AGO3: variants seen among roughly 807,000 people sequenced by gnomAD.
AGO3 encodes protein argonaute-3.
In AGO3, 16 loss-of-function variants were observed where a neutral mutation model predicts 105.5. The ratio of observed to expected loss-of-function variants is 0.15; its 90% CI spans 0.10 to 0.23. AGO3 has a LOEUF of 0.23. Ranked by LOEUF, AGO3 falls within the 10% of genes least tolerant of loss-of-function variation. The probability of loss-of-function intolerance (pLI) is 1.00; values close to 1 mark genes in which losing one functional copy is unlikely to be tolerated. For missense variants in AGO3, 534 were observed against 1,088.0 expected, an observed-to-expected ratio of 0.49 and a Z score of 7.16; for synonymous variants, 340 against 367.3, an observed-to-expected ratio of 0.93 and a Z score of 0.85.
rs930581031 is a variant in AGO3 at position 36,058,431 on chromosome 1, A to G, written c.*2686A>G. ...GCACTTTGTAACTCATGAAAATTGC[A>G]TTTTGATTTTTTTTTTTTTTGCACT... is the stretch of plus-strand genomic sequence containing the variant. On this transcript the variant is annotated 3_prime_UTR_variant, in exon 19 of 19. Coordinates refer to ENST00000373191, the MANE Select transcript of AGO3 (RefSeq NM_024852.4). The G allele has an allele frequency of 6.6e-6, 1 of 151,038 alleles. No homozygotes were observed. Among genetic ancestry groups the G allele is most frequent in the African/African-American group, 2.4e-5 (1 of 41,018 alleles). 9.4% of individuals were successfully genotyped at this position (151,038 alleles called of 1,614,324 possible).
At chr1:35,965,177 A>G (rs1646749472) in intron 2 of AGO3, among the ~76,000 whole-genome samples, 2 of 151,876 alleles carry the variant, frequency 1.3e-5, no homozygotes, top group Admixed American at 1.3e-4. Context: ...AACAAATTAG[A>G]TCTGTAAAAT....
At chr1:36,030,106 A>G (rs886142784) in intron 12 of AGO3, among the ~76,000 whole-genome samples, 2 of 152,230 alleles carry the variant, frequency 1.3e-5, no homozygotes, top group African/African-American at 4.8e-5. Flanking sequence ...TTAGTTAAAT[A>G]AAAACCTTCT....
At chr1:36,029,787 G>C (rs1165044900) in intron 12 of AGO3, among the ~76,000 whole-genome samples, 1 of 150,138 alleles carries the variant, frequency 6.7e-6, no homozygotes, top group Non-Finnish European at 1.5e-5. Flanking sequence ...CCACCTCCCA[G>C]GTTCAAGCTG....
In AGO3 at chr1:36,069,626, A is replaced by C. The variant is rs1643136188; in HGVS notation, c.*13881A>C. Reference sequence around the variant, plus strand: ...CATATCCTGTTGTTTCTTCCCTGCAAGATATCCAGCACACAGGCTGAATTT... The same window carrying C: ...CATATCCTGTTGTTTCTTCCCTGCACGATATCCAGCACACAGGCTGAATTT... On this transcript the variant is annotated 3_prime_UTR_variant, in exon 19 of 19. Coordinates refer to ENST00000373191, the MANE Select transcript of AGO3 (RefSeq NM_024852.4). The C allele has an allele frequency of 6.6e-6, 1 of 152,240 alleles. No homozygotes were observed. The highest frequency in any genetic ancestry group is 1.9e-4 in the East Asian group (1 of 5,204). 9.4% of individuals were successfully genotyped at this position (152,240 alleles called of 1,614,324 possible).
intron 2 of AGO3, among the ~76,000 whole-genome samples, chr1:35,966,255 C>T (rs1003373543): frequency 2.0e-5 from 3 of 152,084 alleles, no homozygotes; most frequent in Admixed American, 2.0e-4. Context: ...TAGAGGTAAC[C>T]ACCATTTGGA....
intron 5 of AGO3, among the ~76,000 whole-genome samples, chr1:35,989,735 C>T (rs565336829): frequency 3.3e-5 from 5 of 151,888 alleles, no homozygotes; most frequent in Non-Finnish European, 7.4e-5. Context: ...ATTAGCCAGG[C>T]GTGATAGCAT....
At chr1:35,972,309 C>T (rs1315563993) in intron 4 of AGO3, 77 bp downstream of exon 4, 3 of 1,426,470 alleles carry the variant, frequency 2.1e-6, no homozygotes, top group Non-Finnish European at 2.9e-6. Flanking sequence ...TTGGTTAAAC[C>T]TTTATTTGTC....
chr1:36,027,495 G>A lies in AGO3; in HGVS notation c.1591+197G>A, dbSNP rs12043256. On this transcript the variant is annotated intron_variant, in intron 12 of 18. Transcript: ENST00000373191. This position sits in a 1 kb window ranked among gnomAD's most constrained non-coding sequence, Gnocchi z 4.0. The stretch of plus-strand genomic sequence containing the variant: ...ATGAGACATTGTAAAAAGAGTTTCC[G>A]GGCTGGGCGTGGTGGCTCACGCCTG... 4.9e-4 allele frequency among the ~76,000 whole-genome samples: 75 copies of A among 152,190 alleles called. 1 individual carries two copies. The East Asian group carries it at 0.011, about 22-fold the overall frequency.
chr1:36,001,111 C>T (rs1467620524), intron 5 of AGO3, among the ~76,000 whole-genome samples: 1 of 152,054 alleles, frequency 6.6e-6, no homozygotes, highest in African/African-American at 2.4e-5. Flanking sequence ...TGGCACGTGC[C>T]TGTAATTCCA....
chr1:35,931,034 G>C (rs113799162), upstream of AGO3: 7 of 374,896 alleles, frequency 1.9e-5, no homozygotes, highest in East Asian at 2.7e-4. Flanking sequence ...GGGGCCCAGA[G>C]GCGAGGCGAG....
At position 36,039,958 on chromosome 1, in the gene AGO3, G is replaced by C. The variant is rs759866891; in HGVS notation, c.2011G>C (p.Gly671Arg). 6.2e-7 allele frequency: 1 copy of C among 1,612,952 alleles called. No homozygotes were observed. Among genetic ancestry groups the C allele is most frequent in the Non-Finnish European group, 8.5e-7 (1 of 1,179,516 alleles). Reference protein sequence around the residue: ...KPTRIIFYRDGVSEGQFRQVL... With the variant: ...KPTRIIFYRDRVSEGQFRQVL... The stretch of plus-strand genomic sequence containing the variant: ...TACTCGTATCATCTTTTATCGGGAT[G>C]GTGTTTCAGAGGGGCAGTTTAGGCA... The change falls in exon 15 of 19, where the codon GGT becomes CGT. Residue 671 changes from glycine (G) to arginine (R), a missense_variant. Physicochemically the swap from Gly to Arg is moderately radical, Grantham distance 125 (BLOSUM62 -2). Coordinates refer to ENST00000373191, the MANE Select transcript of AGO3 (RefSeq NM_024852.4).
rs2148874056 is a variant in AGO3 at position 36,066,931 on chromosome 1, T to C, written c.*11186T>C. On this transcript the variant is annotated 3_prime_UTR_variant, in exon 19 of 19. Coordinates refer to ENST00000373191, the MANE Select transcript of AGO3 (RefSeq NM_024852.4). ...GCTATTTGAACCTACAGAAGAGACC[T>C]AAGACGAGCGTCTCTGTAATCTAAA... 1 of 152,342 alleles carries C rather than the reference T, an allele frequency of 6.6e-6. No homozygotes were observed. Among genetic ancestry groups the C allele is most frequent in the South Asian group, 2.1e-4 (1 of 4,828 alleles). 9.4% of individuals were successfully genotyped at this position (152,342 alleles called of 1,614,324 possible).
intron 11 of AGO3, among the ~76,000 whole-genome samples, chr1:36,018,394 C>T (rs1040991038): frequency 6.6e-6 from 1 of 152,122 alleles, no homozygotes; most frequent in Non-Finnish European, 1.5e-5. Flanking sequence ...CCTTCATCTT[C>T]CCTCTATCAA....
In AGO3 at chr1:36,064,823, G is replaced by A. The variant is rs1453654335; in HGVS notation, c.*9078G>A. 6.6e-6 allele frequency: 1 copy of A among 152,102 alleles called. No homozygotes were observed. Among genetic ancestry groups the A allele is most frequent in the Non-Finnish European group, 1.5e-5 (1 of 68,034 alleles). The allele number at this position is 152,102 out of a possible 1,614,324, so 9.4% of individuals were successfully genotyped here. ...ATCAAGTACTAATTGTATACAGATA[G>A]TACAGATTTGTACTCTGATTATAAG... On this transcript the variant is annotated 3_prime_UTR_variant, in exon 19 of 19. Coordinates refer to ENST00000373191, the MANE Select transcript of AGO3 (RefSeq NM_024852.4).
chr1:35,970,785 A>G (rs1242730484), intron 3 of AGO3, among the ~76,000 whole-genome samples: 1 of 151,576 alleles, frequency 6.6e-6, no homozygotes. Context: ...GCTGGAGTTC[A>G]TTGGCACACT....
chr1:36,041,402 C>T (rs569782579), intron 16 of AGO3, among the ~76,000 whole-genome samples: 5 of 151,802 alleles, frequency 3.3e-5, no homozygotes, highest in South Asian at 2.1e-4. Context: ...CCACCATGCC[C>T]GGCTAATTTT....
intron 17 of AGO3, among the ~76,000 whole-genome samples, chr1:36,046,853 G>A (rs1642495271): frequency 6.6e-6 from 1 of 152,018 alleles, no homozygotes; most frequent in Admixed American, 6.6e-5. Context: ...CTGGGGAATT[G>A]GTGCCCTGGA....
intron 2 of AGO3, among the ~76,000 whole-genome samples, chr1:35,947,691 A>C (rs1186454637): frequency 6.6e-6 from 1 of 152,130 alleles, no homozygotes; most frequent in Non-Finnish European, 1.5e-5. Context: ...CCGTACTCTT[A>C]TCTCCTAGGA....
chr1:36,057,100 G>A lies in AGO3; in HGVS notation c.*1355G>A, dbSNP rs1220954644. 3 of 152,100 alleles carry A rather than the reference G, an allele frequency of 2.0e-5. No homozygotes were observed. The highest frequency in any genetic ancestry group is 4.4e-5 in the Non-Finnish European group (3 of 68,006). 9.4% of individuals were successfully genotyped at this position (152,100 alleles called of 1,614,324 possible). Reference sequence around the variant, plus strand: ...GCTATAAATATAAAACCTGTCAGAAGTTGTAACTTTCTCTCTGGTAAGTGA... The same window carrying A: ...GCTATAAATATAAAACCTGTCAGAAATTGTAACTTTCTCTCTGGTAAGTGA... On this transcript the variant is annotated 3_prime_UTR_variant, in exon 19 of 19. Coordinates refer to ENST00000373191, the MANE Select transcript of AGO3 (RefSeq NM_024852.4).
Sources: allele counts gnomAD v4.1 joint callset (sites outside exome capture counted in the v4.1 genomes callset), GRCh38; gene constraint gnomAD v4.1.1; non-coding constraint Gnocchi (gnomAD v3.1); transcripts MANE v1.5; gene names NCBI Gene and HGNC (gene_info 2026-07-23, HGNC 2026-07-21).